The following TMEM132D variants were observed in gnomAD, a reference collection of about 807,000 sequenced individuals.
TMEM132D encodes mature OL transmembrane protein.
Under a neutral mutation model 62.3 loss-of-function variants are expected in TMEM132D, and 21 were observed. That is an observed-to-expected ratio of 0.34 (90% CI 0.24 to 0.49). The LOEUF is 0.49. TMEM132D is among the 20% of genes least tolerant of loss of function. TMEM132D has a pLI of 0.99. For missense variants in TMEM132D, 1,346 were observed against 1,402.8 expected, an observed-to-expected ratio of 0.96 and a Z score of 0.65; for synonymous variants, 621 against 575.6, an observed-to-expected ratio of 1.08 and a Z score of -1.13.
intron 4 of TMEM132D, among the ~76,000 whole-genome samples, chr12:129,319,053 G>GA (rs541323185): frequency 6.6e-6 from 1 of 152,142 alleles, no homozygotes; most frequent in Non-Finnish European, 1.5e-5. Context: ...TCCAGCTGCG[G>GA]AAAAAAAGGT....
chr12:129,635,735 TAAAATATTTATAG>T, intron 2 of TMEM132D, among the ~76,000 whole-genome samples: 2 of 152,202 alleles, frequency 1.3e-5, no homozygotes, highest in Non-Finnish European at 2.9e-5. Context: ...CCAAGCTCTG[TAAAATATTTATAG>T]AGGTTTATCC....
intron 3 of TMEM132D, among the ~76,000 whole-genome samples, chr12:129,493,225 A>T (rs1874853900): frequency 6.6e-6 from 1 of 152,240 alleles, no homozygotes; most frequent in African/African-American, 2.4e-5. Flanking sequence ...AGTTAATGGA[A>T]AAATATTTGC....
At chr12:129,638,008 G>A (rs1879532375) in intron 2 of TMEM132D, among the ~76,000 whole-genome samples, 1 of 152,098 alleles carries the variant, frequency 6.6e-6, no homozygotes, top group Non-Finnish European at 1.5e-5. Flanking sequence ...AATGAGATTT[G>A]GGTGAGGACA....
intron 3 of TMEM132D, among the ~76,000 whole-genome samples, chr12:129,448,768 G>A (rs544488628): frequency 2.6e-5 from 4 of 152,286 alleles, no homozygotes; most frequent in African/African-American, 4.8e-5. Flanking sequence ...CTTGCCCTGC[G>A]TGTTAACAGC....
intron 4 of TMEM132D, among the ~76,000 whole-genome samples, chr12:129,243,965 T>C (rs1880003414): frequency 6.6e-6 from 1 of 152,094 alleles, no homozygotes; most frequent in Non-Finnish European, 1.5e-5. Context: ...GGCTTAGGTA[T>C]ATACCTAGAA....
chr12:129,149,452 G>C (rs1421592309), intron 5 of TMEM132D, among the ~76,000 whole-genome samples: 1 of 152,100 alleles, frequency 6.6e-6, no homozygotes. Flanking sequence ...ACAAAAGCAG[G>C]AACATGCATA....
intron 1 of TMEM132D, among the ~76,000 whole-genome samples, chr12:129,838,602 T>C (rs975763452): frequency 3.3e-5 from 5 of 152,216 alleles, no homozygotes; most frequent in African/African-American, 1.2e-4. Context: ...ATTTGTGCCA[T>C]ATATGATCAA....
intron 5 of TMEM132D, among the ~76,000 whole-genome samples, chr12:129,175,791 T>C (rs965078364): frequency 1.3e-5 from 2 of 152,238 alleles, no homozygotes; most frequent in Non-Finnish European, 2.9e-5. Context: ...GCAAATGCAA[T>C]GGTACTTTGT....
At chr12:129,401,817 T>C (rs762233345) in intron 3 of TMEM132D, among the ~76,000 whole-genome samples, 3 of 152,118 alleles carry the variant, frequency 2.0e-5, no homozygotes, top group South Asian at 2.1e-4. Context: ...TCCTGCCTCC[T>C]CACTCTCAGC....
intron 2 of TMEM132D, among the ~76,000 whole-genome samples, chr12:129,571,856 T>A (rs1001705600): frequency 8.6e-6 from 1 of 115,612 alleles, no homozygotes; most frequent in African/African-American, 2.9e-5. Context: ...TAAGGAAAAG[T>A]TTTTTTTTAA....
intron 1 of TMEM132D, among the ~76,000 whole-genome samples, chr12:129,842,202 C>G (rs1873219525): frequency 6.6e-6 from 1 of 151,056 alleles, no homozygotes; most frequent in Admixed American, 6.6e-5. Flanking sequence ...CCCGCCTCGG[C>G]CTCCCAAAGT....
At chr12:129,760,816 C>T (rs1353550341) in intron 1 of TMEM132D, among the ~76,000 whole-genome samples, 1 of 152,048 alleles carries the variant, frequency 6.6e-6, no homozygotes, top group African/African-American at 2.4e-5. Flanking sequence ...TCCCCTTTCT[C>T]TGCAACCCCC....
Position 129,312,576 on chromosome 12 carries a change from T to C in TMEM132D, c.1299+25058A>G, listed in dbSNP as rs578198202. On this transcript the variant is annotated intron_variant, in intron 4 of 8. Coordinates refer to ENST00000422113, the MANE Select transcript of TMEM132D (RefSeq NM_133448.3). ...AGTTTTTTTTGTTTGTTTGTTTTGT[T>C]TTTTGTTTTTTGAGACGGAGTCTCA... Among the ~76,000 whole-genome samples, 5 of 152,344 alleles carry C rather than the reference T, an allele frequency of 3.3e-5. No homozygotes were observed. The East Asian group carries it at 9.6e-4, about 29-fold the overall frequency.
chr12:129,563,477 G>C (rs1286617084), intron 2 of TMEM132D, among the ~76,000 whole-genome samples: 3 of 152,114 alleles, frequency 2.0e-5, no homozygotes, highest in African/African-American at 7.2e-5. Context: ...GGGAGAGTGG[G>C]AAGACATGCT....
chr12:129,210,234 G>A (rs1245551578), intron 4 of TMEM132D: 3 of 153,724 alleles, frequency 2.0e-5, no homozygotes, highest in Non-Finnish European at 4.3e-5. Flanking sequence ...TGTGAAAGAA[G>A]CTTGATGAGC....
At chr12:129,222,009 T>C (rs10773616) in intron 4 of TMEM132D, among the ~76,000 whole-genome samples, 49,817 of 152,104 alleles carry the variant, frequency 0.33, 8,395 homozygotes, top group Middle Eastern at 0.43. Context: ...GCATTGCAAA[T>C]AGATTTATAA....
chr12:129,411,651 A>G (rs1302732708), intron 3 of TMEM132D, among the ~76,000 whole-genome samples: 1 of 152,058 alleles, frequency 6.6e-6, no homozygotes, highest in Non-Finnish European at 1.5e-5. Context: ...CCCCATGCCC[A>G]GCCTAATTAT....
At chr12:129,403,411 A>G (rs755033063) in intron 3 of TMEM132D, among the ~76,000 whole-genome samples, 5 of 151,482 alleles carry the variant, frequency 3.3e-5, no homozygotes, top group Non-Finnish European at 4.4e-5. Context: ...TGCAACACAG[A>G]TGTTAGGGGT....
At chr12:129,402,133 T>C (rs972772326) in intron 3 of TMEM132D, among the ~76,000 whole-genome samples, 5 of 152,194 alleles carry the variant, frequency 3.3e-5, no homozygotes, top group African/African-American at 1.2e-4. Flanking sequence ...AGGTTTCCTA[T>C]GCATACCTCG....
Sources: gnomAD v4.1 joint callset for allele counts (sites outside exome capture counted in the v4.1 genomes callset) on GRCh38, gnomAD v4.1.1 for gene constraint, MANE v1.5 for transcripts, NCBI Gene and HGNC (gene_info 2026-07-23, HGNC 2026-07-21) for gene names.